Variants in FOXN3 observed in about 807,000 individuals in gnomAD.
FOXN3 encodes forkhead box protein N3.
A neutral mutation model predicts 38.4 loss-of-function variants in FOXN3; 7 were observed. The ratio of observed to expected loss-of-function variants is 0.18; its 90% confidence interval spans 0.10 to 0.34. The LOEUF is 0.34. Ranked by LOEUF, FOXN3 falls within the 10% of genes least tolerant of loss-of-function variation. FOXN3 has a pLI of 1.00. For synonymous variants in FOXN3, 230 were observed against 242.2 expected, an observed-to-expected ratio of 0.95 and a Z score of 0.47; for missense variants, 456 against 613.4, an observed-to-expected ratio of 0.74 and a Z score of 2.71.
At chr14:89,466,550 T>C (rs1332805877) in intron 1 of FOXN3, among the ~76,000 whole-genome samples, 1 of 152,170 alleles carries the variant, frequency 6.6e-6, no homozygotes, top group African/African-American at 2.4e-5. Flanking sequence ...CATTTGGATT[T>C]GAGAGATGAA....
At chr14:89,446,014 A>C (rs1005601259) in intron 1 of FOXN3, among the ~76,000 whole-genome samples, 1 of 141,302 alleles carries the variant, frequency 7.1e-6, no homozygotes, top group Non-Finnish European at 1.5e-5. Flanking sequence ...AGGTGGGAGG[A>C]TCACTTGAGC....
chr14:89,347,461 A>AC lies in FOXN3; in HGVS notation c.680+3210dup, dbSNP rs369096749. On this transcript the variant is annotated intron_variant, in intron 3 of 5. Coordinates refer to ENST00000557258, the MANE Select transcript of FOXN3 (RefSeq NM_005197.4). Reference sequence around the variant, plus strand: ...CCCTCCCTCACAGCCCACAGAAGGAACCAACCCTGCCGACACATTGGTCTC... The same window carrying AC: ...CCCTCCCTCACAGCCCACAGAAGGAACCCAACCCTGCCGACACATTGGTCTC... Among the ~76,000 whole-genome samples the AC allele has an allele frequency of 1.7e-3, 252 of 152,278 alleles. 2 individuals carry two copies. Among genetic ancestry groups the AC allele is most frequent in the African/African-American group, 5.7e-3 (236 of 41,562 alleles).
At chr14:89,416,690 C>A (rs1211864797) in intron 1 of FOXN3, among the ~76,000 whole-genome samples, 181 bp downstream of exon 1, 2 of 152,114 alleles carry the variant, frequency 1.3e-5, no homozygotes, top group Non-Finnish European at 2.9e-5. Context: ...CTCTTCGGAC[C>A]CGGCAACTTC....
At chr14:89,184,780 C>T (rs1000766061) in intron 4 of FOXN3, among the ~76,000 whole-genome samples, 39 of 152,320 alleles carry the variant, frequency 2.6e-4, no homozygotes, top group African/African-American at 8.9e-4. Flanking sequence ...GTGGCTGGCT[C>T]GTTATGTAAG....
At chr14:89,218,999 T>C (rs1884371790) in intron 4 of FOXN3, among the ~76,000 whole-genome samples, 1 of 152,236 alleles carries the variant, frequency 6.6e-6, no homozygotes, top group Non-Finnish European at 1.5e-5. Context: ...ATTTTCTCCT[T>C]TTATTTAACA....
Position 89,331,869 on chromosome 14 carries a change from C to A in FOXN3, c.680+18803G>T, listed in dbSNP as rs191761629. Among the ~76,000 whole-genome samples, 663 of 150,342 alleles carry A rather than the reference C, an allele frequency of 4.4e-3. 6 individuals carry two copies. Among genetic ancestry groups the A allele is most frequent in the Non-Finnish European group, 7.3e-3 (493 of 67,262 alleles). ...CCTACATTGATTTCATAACCCATTACGGAGTGGTAATCTTTATTTTAGATT... is the reference window on the plus strand; with the variant it reads ...CCTACATTGATTTCATAACCCATTAAGGAGTGGTAATCTTTATTTTAGATT... On this transcript the variant is annotated intron_variant, in intron 3 of 5. Coordinates refer to ENST00000557258, the MANE Select transcript of FOXN3 (RefSeq NM_005197.4).
intron 4 of FOXN3, among the ~76,000 whole-genome samples, chr14:89,191,601 T>C (rs17125472): frequency 0.014 from 2,130 of 152,266 alleles, 45 homozygotes; most frequent in African/African-American, 0.049. Flanking sequence ...TTGGATATTA[T>C]GCTAGAAAAT....
intron 1 of FOXN3, among the ~76,000 whole-genome samples, chr14:89,496,409 TGCTCACTACACCCCGC>T (rs1271357149): frequency 1.3e-5 from 2 of 152,114 alleles, no homozygotes; most frequent in Non-Finnish European, 2.9e-5. Context: ...CATCTCAGCC[TGCTCACTACACCCCGC>T]GCCACCTTCC....
chr14:89,571,052 T>C (rs1488912221), intron 1 of FOXN3, among the ~76,000 whole-genome samples: 3 of 152,232 alleles, frequency 2.0e-5, no homozygotes, highest in African/African-American at 7.2e-5. Context: ...TACTCAGCAC[T>C]GCACTCAAAG....
chr14:89,604,874 T>C (rs1028356937), intron 1 of FOXN3, among the ~76,000 whole-genome samples: 11 of 152,204 alleles, frequency 7.2e-5, no homozygotes, highest in African/African-American at 2.7e-4. Context: ...CAGAAAACAA[T>C]TGAGCATCTT....
intron 3 of FOXN3, among the ~76,000 whole-genome samples, chr14:89,332,589 T>G (rs1484434369): frequency 6.6e-6 from 1 of 152,188 alleles, no homozygotes; most frequent in Admixed American, 6.5e-5. Flanking sequence ...ATGTTAAGAC[T>G]TGAAACTGTT....
At chr14:89,383,372 T>C (rs1428009087) in intron 2 of FOXN3, among the ~76,000 whole-genome samples, 1 of 152,118 alleles carries the variant, frequency 6.6e-6, no homozygotes, top group Non-Finnish European at 1.5e-5. Flanking sequence ...ACGACAAAAA[T>C]CAGAGGTGAG....
chr14:89,426,658 C>T (rs1466546187), intron 1 of FOXN3, among the ~76,000 whole-genome samples: 1 of 152,174 alleles, frequency 6.6e-6, no homozygotes, highest in African/African-American at 2.4e-5. Context: ...AGACAGTGTT[C>T]TAAAGCTCCG....
chr14:89,367,857 T>G (rs1010897523), intron 2 of FOXN3, among the ~76,000 whole-genome samples: 1 of 151,976 alleles, frequency 6.6e-6, no homozygotes, highest in African/African-American at 2.4e-5. Flanking sequence ...TCCCCTCGTC[T>G]CCCAGAGGCC....
chr14:89,517,550 A>G (rs1156915335), intron 1 of FOXN3, among the ~76,000 whole-genome samples: 2 of 152,078 alleles, frequency 1.3e-5, no homozygotes, highest in Non-Finnish European at 2.9e-5. Context: ...AAACGATCAG[A>G]TCTCACGAGC....
At chr14:89,499,584 A>G (rs1893754717) in intron 1 of FOXN3, among the ~76,000 whole-genome samples, 1 of 152,132 alleles carries the variant, frequency 6.6e-6, no homozygotes, top group African/African-American at 2.4e-5. Flanking sequence ...TCTAAATTAA[A>G]TTAATTTTTG....
intron 1 of FOXN3, among the ~76,000 whole-genome samples, chr14:89,508,850 G>T (rs965399072): frequency 2.6e-5 from 4 of 152,156 alleles, no homozygotes; most frequent in Non-Finnish European, 5.9e-5. Context: ...TGAGGAACAG[G>T]ATCTGGAACA....
rs1478008227 is a variant in FOXN3, at chr14:89,161,327, G to A, written c.*1087C>T. The A allele has an allele frequency of 1.4e-5, 2 of 145,594 alleles. No homozygotes were observed. Among genetic ancestry groups the A allele is most frequent in the African/African-American group, 2.5e-5 (1 of 39,376 alleles). 9.0% of individuals were successfully genotyped at this position (145,594 alleles called of 1,614,324 possible). A position where few individuals can be genotyped will look rare whatever the true frequency, so the allele number is the denominator to read the frequency against. On this transcript the variant is annotated 3_prime_UTR_variant, in exon 6 of 6. Transcript: ENST00000557258. ...TTACTTTTTTTTTTTGTCCATCAGT[G>A]TACCTTTAATCTTAAAAATACACCA...
At chr14:89,170,859 T>A (rs900006662) in intron 5 of FOXN3, among the ~76,000 whole-genome samples, 1 of 152,012 alleles carries the variant, frequency 6.6e-6, no homozygotes, top group African/African-American at 2.4e-5. Flanking sequence ...TACCAAAACC[T>A]ATAGAATGTA....
Sources: allele counts gnomAD v4.1 joint callset (sites outside exome capture counted in the v4.1 genomes callset), GRCh38; gene constraint gnomAD v4.1.1; transcripts MANE v1.5; gene names NCBI Gene and HGNC (gene_info 2026-07-23, HGNC 2026-07-21).